The following SPC24 variants were observed in gnomAD, a reference collection of about 807,000 sequenced individuals.
The protein encoded by SPC24 is SPC24 component of NDC80 kinetochore complex, also known as kinetochore protein Spc24.
A neutral mutation model predicts 27.6 loss-of-function variants in SPC24; 31 were observed. The ratio of observed to expected loss-of-function variants is 1.12; its 90% CI spans 0.84 to 1.52. The LOEUF (loss-of-function observed/expected upper bound fraction) is 1.52, where lower values mean the gene tolerates loss of function less well. Ranked by LOEUF, SPC24 falls within the 40% of genes most tolerant of loss-of-function variation. SPC24 has a pLI of 0.00. For missense variants in SPC24, 284 were observed against 252.5 expected (o/e 1.12, Z -0.84); for synonymous variants, 105 against 105.8 (o/e 0.99, Z 0.05).
At chr19:11,151,549 C>A (rs1409528102) in intron 1 of SPC24, among the ~76,000 whole-genome samples, 1 of 152,122 alleles carries the variant, frequency 6.6e-6, no homozygotes, top group Non-Finnish European at 1.5e-5. Context: ...TAATCTCTAC[C>A]CCATGGCTGT....
chr19:11,155,554 T>C, intron 1 of SPC24, 63 bp downstream of exon 1: 1 of 1,492,726 alleles, frequency 6.7e-7, no homozygotes. Context: ...GTGGGCCTGG[T>C]CGCCCCCTCC....
intron 1 of SPC24, among the ~76,000 whole-genome samples, chr19:11,152,676 T>C (rs2077881177): frequency 6.6e-6 from 1 of 152,114 alleles, no homozygotes; most frequent in South Asian, 2.1e-4. Context: ...CTCAGTTTTC[T>C]TGGCCCCAGA....
At chr19:11,154,410 A>G (rs1269940086) in intron 1 of SPC24, among the ~76,000 whole-genome samples, 1 of 151,990 alleles carries the variant, frequency 6.6e-6, no homozygotes, top group African/African-American at 2.4e-5. Context: ...ATGGTGGCGC[A>G]TAAGTGTGTT....
intron 1 of SPC24, among the ~76,000 whole-genome samples, chr19:11,152,167 T>A (rs2077877752): frequency 6.6e-6 from 1 of 151,722 alleles, no homozygotes; most frequent in Non-Finnish European, 1.5e-5. Context: ...GTGATCTGCT[T>A]GCCTCAGCCT....
chr19:11,147,983 C>A (rs756103683), intron 3 of SPC24, 30 bp downstream of exon 3: 8 of 1,608,094 alleles, frequency 5.0e-6, no homozygotes, highest in Non-Finnish European at 2.6e-6. Flanking sequence ...CAAGGAGGCA[C>A]AGGCAGGCAC....
At chr19:11,148,990 T>C in intron 2 of SPC24, 104 bp downstream of exon 2, 1 of 1,177,934 alleles carries the variant, frequency 8.5e-7, no homozygotes, top group Non-Finnish European at 1.1e-6. Flanking sequence ...CAAGTGATCC[T>C]CCCACCTGGG....
In SPC24 at chr19:11,147,080, C is replaced by CAAAA. The variant is rs71164155; in HGVS notation, c.*99_*102dup. 128 of 397,230 alleles carry CAAAA rather than the reference C, an allele frequency of 3.2e-4. No individual in the cohort carries two copies. Among genetic ancestry groups the CAAAA allele is most frequent in the South Asian group, 7.3e-4 (25 of 34,204 alleles). The allele number at this position is 397,230 out of a possible 1,614,324, so 24.6% of individuals were successfully genotyped here. Reference sequence around the variant, plus strand: ...GGACAACAAGAGTGAAACTCTGTCTCAAAAAAAAAAAAAAAAAGATCTATG... The same window carrying CAAAA: ...GGACAACAAGAGTGAAACTCTGTCTCAAAAAAAAAAAAAAAAAAAAAGATCTATG... On this transcript the variant is annotated 3_prime_UTR_variant, in exon 5 of 5. Coordinates refer to ENST00000592540, the MANE Select transcript of SPC24 (RefSeq NM_182513.4).
At chr19:11,151,281 C>G (rs898000325) in intron 1 of SPC24, among the ~76,000 whole-genome samples, 16 of 152,074 alleles carry the variant, frequency 1.1e-4, no homozygotes, top group Non-Finnish European at 2.4e-4. Flanking sequence ...AACACACACG[C>G]ACACACCCTT....
chr19:11,149,864 C>G (rs1220637553), intron 1 of SPC24, among the ~76,000 whole-genome samples: 1 of 151,570 alleles, frequency 6.6e-6, no homozygotes, highest in Non-Finnish European at 1.5e-5. Context: ...GCGCCTGCCA[C>G]GACACCCAGC....
At chr19:11,153,207 A>G (rs2077885450) in intron 1 of SPC24, among the ~76,000 whole-genome samples, 1 of 151,796 alleles carries the variant, frequency 6.6e-6, no homozygotes, top group African/African-American at 2.4e-5. Context: ...GCACTTTGGG[A>G]GGTCGGGGCA....
intron 2 of SPC24, among the ~76,000 whole-genome samples, chr19:11,148,605 C>CT (rs2077847657): frequency 6.6e-6 from 1 of 151,982 alleles, no homozygotes. Context: ...CTCGGCCTCC[C>CT]AAGTAGCTGA....
At chr19:11,152,461 C>T (rs866287962) in intron 1 of SPC24, among the ~76,000 whole-genome samples, 5 of 152,146 alleles carry the variant, frequency 3.3e-5, no homozygotes, top group African/African-American at 4.8e-5. Flanking sequence ...TCACCCACCT[C>T]GGCCTCCCAA....
chr19:11,154,198 A>G (rs2077894360), intron 1 of SPC24, among the ~76,000 whole-genome samples: 1 of 152,122 alleles, frequency 6.6e-6, no homozygotes. Context: ...AATAAACACA[A>G]TGCGGTCCAT....
rs1254564869 is a variant in SPC24, at chr19:11,146,309, C to G, written c.*874G>C. 1 of 151,490 alleles carries G rather than the reference C, an allele frequency of 6.6e-6. No homozygotes were observed. Among genetic ancestry groups the G allele is most frequent in the Non-Finnish European group, 1.5e-5 (1 of 67,974 alleles). 9.4% of individuals were successfully genotyped at this position (151,490 alleles called of 1,614,324 possible). On this transcript the variant is annotated 3_prime_UTR_variant, in exon 5 of 5. Coordinates refer to ENST00000592540, the MANE Select transcript of SPC24 (RefSeq NM_182513.4). ...ATGAGTAAGGGCCAACCTTGAAGTA[C>G]CTGGGAGCTGTCATCGAATACCACG...
At chr19:11,155,042 C>T (rs1044715039) in intron 1 of SPC24, among the ~76,000 whole-genome samples, 2 of 152,042 alleles carry the variant, frequency 1.3e-5, no homozygotes, top group Admixed American at 6.6e-5. Context: ...AAAAATTAGC[C>T]GAGTGCGGTG....
rs2077842248 is a variant in SPC24, at chr19:11,148,068, C to T, written c.355G>A (p.Glu119Lys). The T allele has an allele frequency of 6.2e-7, 1 of 1,613,756 alleles. No individual in the cohort carries two copies. The highest frequency in any genetic ancestry group is 8.5e-7 in the Non-Finnish European group (1 of 1,179,884). Residue 119 changes from glutamate (E) to lysine (K), a missense_variant, in exon 3 of 5, where the codon GAG becomes AAG. Physicochemically the swap from Glu to Lys is moderately conservative, Grantham distance 56 (BLOSUM62 1). Transcript: ENST00000592540. ...TCGTCGACCTCCTTCTCCTGTCGCTCCAGATCCGCCTCAATCTCCTTGAGC... is the reference window on the plus strand; with the variant it reads ...TCGTCGACCTCCTTCTCCTGTCGCTTCAGATCCGCCTCAATCTCCTTGAGC... ...EELKEIEADL[E>K]RQEKEVDEDT...
At chr19:11,151,866 C>T (rs891575102) in intron 1 of SPC24, among the ~76,000 whole-genome samples, 2 of 150,208 alleles carry the variant, frequency 1.3e-5, no homozygotes, top group Admixed American at 1.3e-4. Context: ...CCTTGGCCTC[C>T]CACAGTGCTG....
intron 1 of SPC24, among the ~76,000 whole-genome samples, chr19:11,155,377 G>T (rs1386568906): frequency 2.0e-5 from 3 of 152,082 alleles, no homozygotes; most frequent in Admixed American, 6.6e-5. Flanking sequence ...GCTCAGAAGG[G>T]GCCAACCCCT....
chr19:11,153,098 C>T (rs972181372), intron 1 of SPC24, among the ~76,000 whole-genome samples: 2 of 152,000 alleles, frequency 1.3e-5, no homozygotes, highest in South Asian at 4.1e-4. Flanking sequence ...CCTCAGAAAT[C>T]AAACTTTGAA....
Sources: gnomAD v4.1 joint callset for allele counts (sites outside exome capture counted in the v4.1 genomes callset) on GRCh38, gnomAD v4.1.1 for gene constraint, MANE v1.5 for transcripts, NCBI Gene and HGNC (gene_info 2026-07-23, HGNC 2026-07-21) for gene names.